Variants in MAP3K1 observed in about 807,000 individuals in gnomAD.
MAP3K1 encodes mitogen-activated protein kinase kinase kinase 1, also known as MAP/ERK kinase kinase 1.
MAP3K1 carries 36 observed loss-of-function variants against 144.2 expected under a neutral mutation model. That is an observed-to-expected ratio of 0.25 (90% CI 0.19 to 0.33). The LOEUF (loss-of-function observed/expected upper bound fraction) is 0.33. Among genes scored for constraint, MAP3K1 ranks in the 10% least tolerant of loss-of-function variants. The probability of loss-of-function intolerance (pLI) is 1.00; values close to 1 mark genes in which losing one functional copy is unlikely to be tolerated. For synonymous variants in MAP3K1, 718 were observed against 688.7 expected (o/e 1.04, Z -0.67); for missense variants, 1,650 against 1,881.9 (o/e 0.88, Z 2.28).
chr5:56,836,785 G>A (rs1387866374), intron 1 of MAP3K1, among the ~76,000 whole-genome samples: 3 of 152,104 alleles, frequency 2.0e-5, no homozygotes, highest in African/African-American at 7.2e-5. Flanking sequence ...TGAAGGAAAG[G>A]GACCCAGGAG....
chr5:56,816,791 A>C lies in MAP3K1; in HGVS notation c.482+736A>C, dbSNP rs369898379. ...TGCGGTTTGTCTAATTGCAGCCCCC[A>C]AGGGGCTTTGAGTGTTCCTGGGAAT... On this transcript the variant is annotated intron_variant, in intron 1 of 19. Coordinates refer to ENST00000399503, the MANE Select transcript of MAP3K1 (RefSeq NM_005921.2). 4.0e-4 allele frequency among the ~76,000 whole-genome samples: 61 copies of C among 152,316 alleles called. 1 individual carries two copies. In the South Asian group the frequency reaches 0.012, roughly 30 times the overall value.
At chr5:56,857,161 A>G (rs79403914) in intron 2 of MAP3K1, among the ~76,000 whole-genome samples, 1,559 of 152,332 alleles carry the variant, frequency 0.01, 32 homozygotes, top group African/African-American at 0.035. Flanking sequence ...GCAGTAATTC[A>G]TAAGTGTAAT....
intron 1 of MAP3K1, among the ~76,000 whole-genome samples, chr5:56,819,319 C>T (rs913996685): frequency 6.6e-6 from 1 of 152,182 alleles, no homozygotes; most frequent in Admixed American, 6.5e-5. Flanking sequence ...TATTCATTTA[C>T]AACTTCCATA....
At position 56,893,727 on chromosome 5, in the gene MAP3K1, G is replaced by T; in HGVS notation, c.*47G>T. 1 of 1,604,274 alleles carries T rather than the reference G, an allele frequency of 6.2e-7. No individual in the cohort carries two copies. The highest frequency in any genetic ancestry group is 1.1e-5 in the South Asian group (1 of 90,400). ...AGTAGAAACAGGATGCTCAACAAGA[G>T]AAAAAAAACTTGTGGGGAACCACAT... On this transcript the variant is annotated 3_prime_UTR_variant, in exon 20 of 20. Coordinates refer to ENST00000399503, the MANE Select transcript of MAP3K1 (RefSeq NM_005921.2).
rs567404119 is a variant in MAP3K1 at position 56,879,692 on chromosome 5, C to A, written c.2087+591C>A. On this transcript the variant is annotated intron_variant, in intron 11 of 19. Coordinates refer to ENST00000399503, the MANE Select transcript of MAP3K1 (RefSeq NM_005921.2). ...GGTACAATGACAGTAAAGATGAGTA[C>A]AAGCCATGCTTTTTTCAGACCAATG... 5.2e-4 allele frequency among the ~76,000 whole-genome samples: 79 copies of A among 152,278 alleles called. 1 individual carries two copies. In the South Asian group the frequency reaches 0.016, roughly 31 times the overall value.
intron 3 of MAP3K1, among the ~76,000 whole-genome samples, chr5:56,863,763 C>T (rs1179332927): frequency 6.6e-6 from 1 of 152,196 alleles, no homozygotes; most frequent in African/African-American, 2.4e-5. Flanking sequence ...TATGAGAATT[C>T]TAATTGCTTT....
intron 1 of MAP3K1, among the ~76,000 whole-genome samples, chr5:56,832,121 A>G (rs955351644): frequency 6.6e-6 from 1 of 152,198 alleles, no homozygotes; most frequent in Non-Finnish European, 1.5e-5. Flanking sequence ...GACCTCATCT[A>G]TGAATTAGAA....
intron 1 of MAP3K1, among the ~76,000 whole-genome samples, chr5:56,851,186 T>G (rs1346696903): frequency 6.6e-6 from 1 of 152,230 alleles, no homozygotes; most frequent in East Asian, 1.9e-4. Flanking sequence ...CCTCAGTTGA[T>G]CTGCCTGCCT....
At chr5:56,864,999 A>C in intron 4 of MAP3K1, 65 bp downstream of exon 4, 1 of 1,384,816 alleles carries the variant, frequency 7.2e-7, no homozygotes, top group East Asian at 2.3e-5. Flanking sequence ...AAATTTATAT[A>C]CTATAATGTT....
At chr5:56,836,474 C>A (rs1467127213) in intron 1 of MAP3K1, among the ~76,000 whole-genome samples, 1 of 152,020 alleles carries the variant, frequency 6.6e-6, no homozygotes, top group Non-Finnish European at 1.5e-5. Flanking sequence ...TTTAGAAATA[C>A]CCATATAGAT....
At chr5:56,821,153 A>G (rs1746142688) in intron 1 of MAP3K1, among the ~76,000 whole-genome samples, 1 of 152,162 alleles carries the variant, frequency 6.6e-6, no homozygotes, top group Non-Finnish European at 1.5e-5. Flanking sequence ...CCTTGTCTTT[A>G]TTTACTCTAT....
At chr5:56,859,151 T>G (rs1747425754) in intron 2 of MAP3K1, among the ~76,000 whole-genome samples, 1 of 151,746 alleles carries the variant, frequency 6.6e-6, no homozygotes. Context: ...TCTTTTGGTT[T>G]TCTGAGATAC....
At chr5:56,817,148 C>G in intron 1 of MAP3K1, 1 of 969,576 alleles carries the variant, frequency 1.0e-6, no homozygotes, top group Non-Finnish European at 1.2e-6. Flanking sequence ...TTGGCCTCGC[C>G]CATTTTTGGC....
At chr5:56,830,200 A>G (rs543168684) in intron 1 of MAP3K1, among the ~76,000 whole-genome samples, 1 of 152,168 alleles carries the variant, frequency 6.6e-6, no homozygotes, top group East Asian at 1.9e-4. Context: ...ATGCCCCAGA[A>G]TACCGATAGA....
intron 1 of MAP3K1, among the ~76,000 whole-genome samples, chr5:56,834,513 A>T (rs1016806764): frequency 2.0e-5 from 3 of 152,174 alleles, no homozygotes; most frequent in Non-Finnish European, 2.9e-5. Context: ...GGAGTTCGAG[A>T]CCAGCCTGGC....
chr5:56,888,494 A>G (rs1748451006), intron 19 of MAP3K1, 137 bp downstream of exon 19: 1 of 801,496 alleles, frequency 1.2e-6, no homozygotes, highest in African/African-American at 1.7e-5. Context: ...TTCAGAGAGG[A>G]TTTGATATAC....
chr5:56,851,670 A>G (rs1274601954), intron 1 of MAP3K1, among the ~76,000 whole-genome samples: 3 of 152,198 alleles, frequency 2.0e-5, no homozygotes, highest in East Asian at 1.9e-4. Context: ...TTTACTTTCA[A>G]ACTCTCAGGG....
intron 19 of MAP3K1, among the ~76,000 whole-genome samples, chr5:56,890,544 C>T (rs990205883): frequency 6.6e-6 from 1 of 152,144 alleles, no homozygotes; most frequent in African/African-American, 2.4e-5. Flanking sequence ...TTTTAATGCA[C>T]TTATTCTTTG....
At chr5:56,817,837 A>G (rs1315306464) in intron 1 of MAP3K1, among the ~76,000 whole-genome samples, 3 of 152,240 alleles carry the variant, frequency 2.0e-5, no homozygotes, top group African/African-American at 7.2e-5. Flanking sequence ...AAGAGCATCC[A>G]CTGTAAAAAT....
Sources: allele counts gnomAD v4.1 joint callset (sites outside exome capture counted in the v4.1 genomes callset), GRCh38; gene constraint gnomAD v4.1.1; transcripts MANE v1.5; gene names NCBI Gene and HGNC (gene_info 2026-07-23, HGNC 2026-07-21).